NPAS1: variants seen among roughly 807,000 people sequenced by gnomAD.
NPAS1 encodes neuronal PAS domain-containing protein 1.
NPAS1 carries 29 observed loss-of-function variants against 49.2 expected under a neutral mutation model. The ratio of observed to expected loss-of-function variants is 0.59; its 90% confidence interval spans 0.44 to 0.80. NPAS1 has a LOEUF of 0.80. NPAS1 is among the 30% of genes least tolerant of loss of function. The pLI is 0.00. For synonymous variants in NPAS1, 408 were observed against 380.4 expected (o/e 1.07, Z -0.84); for missense variants, 825 against 835.5 (o/e 0.99, Z 0.15).
Position 47,021,610 on chromosome 19 carries a change from A to G in NPAS1, c.123-2A>G. On this transcript the variant is annotated splice_acceptor_variant, in intron 2 of 11. Transcript: ENST00000602212. LOFTEE classifies it high-confidence loss of function. This position sits in a 1 kb window ranked among gnomAD's most constrained non-coding sequence, Gnocchi z 5.7. ...GACACCTCCTCCGCGCCGCCCGCCC[A>G]GCCTGCAGGCGCAGCGCAAGGAGAA... The G allele has an allele frequency of 6.7e-7, 1 of 1,490,654 alleles. No individual in the cohort carries two copies. Among genetic ancestry groups the G allele is most frequent in the Non-Finnish European group, 8.9e-7 (1 of 1,120,122 alleles). The allele number at this position is 1,490,654 out of a possible 1,614,324, so 92.3% of individuals were successfully genotyped here.
At position 47,040,434 on chromosome 19, in the gene NPAS1, C is replaced by T; in HGVS notation, c.963-10C>T. ...CTTGGACTCCTCCCCTCTTCTCTGT[C>T]ACCCCCCAGAGTCAGCGACCACATG... is the stretch of plus-strand genomic sequence containing the variant. On this transcript the variant is annotated splice_polypyrimidine_tract_variant and intron_variant, in intron 8 of 11. Coordinates refer to ENST00000602212, the MANE Select transcript of NPAS1 (RefSeq NM_002517.4). The T allele has an allele frequency of 6.4e-7, 1 of 1,567,422 alleles. No homozygotes were observed. The highest frequency in any genetic ancestry group is 8.7e-7 in the Non-Finnish European group (1 of 1,152,932).
At position 47,039,030 on chromosome 19, in the gene NPAS1, TC is replaced by T. The variant is rs1392040668; in HGVS notation, c.689-3del. On this transcript the variant is annotated splice_polypyrimidine_tract_variant and splice_region_variant and intron_variant, in intron 6 of 11. Coordinates refer to ENST00000602212, the MANE Select transcript of NPAS1 (RefSeq NM_002517.4). ...CCCCATAACCTTCCTTCACTCTCTG[TC>T]CCAGAGGCCAGCCTCACCAAGGTGC... is the stretch of plus-strand genomic sequence containing the variant. The T allele has an allele frequency of 6.2e-7, 1 of 1,613,640 alleles. No homozygotes were observed. Among genetic ancestry groups the T allele is most frequent in the African/African-American group, 1.3e-5 (1 of 75,012 alleles).
chr19:47,026,003 G>A (rs1407349872), intron 3 of NPAS1, among the ~76,000 whole-genome samples: 5 of 151,858 alleles, frequency 3.3e-5, no homozygotes, highest in African/African-American at 9.7e-5. Context: ...GCAGTGGTGC[G>A]ATCTCAGCTC....
intron 3 of NPAS1, among the ~76,000 whole-genome samples, chr19:47,026,087 C>T (rs1469899613): frequency 6.6e-6 from 1 of 152,084 alleles, no homozygotes; most frequent in Non-Finnish European, 1.5e-5. Flanking sequence ...TACAAGCACA[C>T]GCCACCATGC....
At chr19:47,036,463 G>A (rs1474254189) in intron 6 of NPAS1, among the ~76,000 whole-genome samples, 2 of 152,204 alleles carry the variant, frequency 1.3e-5, no homozygotes, top group Non-Finnish European at 2.9e-5. Context: ...CGTTAGGGCC[G>A]GGCGCGGCGG....
chr19:47,034,042 C>T (rs915880042), intron 5 of NPAS1, among the ~76,000 whole-genome samples: 4 of 121,704 alleles, frequency 3.3e-5, no homozygotes, highest in African/African-American at 9.5e-5. Context: ...CGGTGGCTCA[C>T]GCCTGTAATC....
In NPAS1 at chr19:47,034,727, T is replaced by C. The variant is rs187672390; in HGVS notation, c.523-1237T>C. Among the ~76,000 whole-genome samples the C allele has an allele frequency of 2.0e-5, 3 of 151,614 alleles. No homozygotes were observed. In the East Asian group the frequency reaches 5.8e-4, roughly 30 times the overall value. On this transcript the variant is annotated intron_variant, in intron 5 of 11. Coordinates refer to ENST00000602212, the MANE Select transcript of NPAS1 (RefSeq NM_002517.4). ...CCCAGTCTCTACTAAAAATACAAAA[T>C]TAGCCGGGTGTGCTGGCAGATGCCT... is the stretch of plus-strand genomic sequence containing the variant.
At chr19:47,026,952 C>CA (rs796473852) in intron 3 of NPAS1, among the ~76,000 whole-genome samples, 295 of 118,646 alleles carry the variant, frequency 2.5e-3, no homozygotes, top group East Asian at 6.1e-3. Context: ...GATGCCGTCT[C>CA]AAAAAAAAAA....
At chr19:47,024,008 G>A (rs1599892740) in intron 3 of NPAS1, among the ~76,000 whole-genome samples, 2 of 152,028 alleles carry the variant, frequency 1.3e-5, no homozygotes, top group African/African-American at 2.4e-5. Context: ...CGGAGGCTAA[G>A]GCAGGGGAAT....
intron 9 of NPAS1, 194 bp downstream of exon 9, chr19:47,040,744 G>A (rs934724401): frequency 1.7e-6 from 1 of 596,738 alleles, no homozygotes; most frequent in African/African-American, 1.9e-5. Flanking sequence ...TGTGTGGGGG[G>A]GGGGTCTGGG....
At chr19:47,036,547 G>A (rs2056958462) in intron 6 of NPAS1, among the ~76,000 whole-genome samples, 1 of 152,102 alleles carries the variant, frequency 6.6e-6, no homozygotes, top group Non-Finnish European at 1.5e-5. Context: ...AGACCAGCCT[G>A]GGCAACATAG....
At chr19:47,039,695 G>A (rs2056998726) in intron 8 of NPAS1, 131 bp downstream of exon 8, 1 of 1,014,046 alleles carries the variant, frequency 9.9e-7, no homozygotes, top group South Asian at 1.7e-5. Context: ...GAACAGCAAT[G>A]GATGGGACAG....
intron 3 of NPAS1, among the ~76,000 whole-genome samples, chr19:47,031,632 G>A (rs527754166): frequency 9.1e-4 from 137 of 151,130 alleles, no homozygotes; most frequent in African/African-American, 3.2e-3. Context: ...CCGGTTTCAA[G>A]CGATTCTCCT....
At chr19:47,039,684 G>T in intron 8 of NPAS1, 120 bp downstream of exon 8, 2 of 1,128,504 alleles carry the variant, frequency 1.8e-6, no homozygotes, top group Admixed American at 2.7e-5. Context: ...CATGGGAGGC[G>T]GAACAGCAAT....
chr19:47,040,408 T>C (rs1463912394), intron 8 of NPAS1, 36 bp from the exon 9 acceptor site: 1 of 1,447,104 alleles, frequency 6.9e-7, no homozygotes, highest in Non-Finnish European at 9.5e-7. Context: ...AACCCCGTGG[T>C]CTTGGACTCC....
chr19:47,026,936 G>T (rs1221358175), intron 3 of NPAS1, among the ~76,000 whole-genome samples: 1 of 151,072 alleles, frequency 6.6e-6, no homozygotes, highest in East Asian at 1.9e-4. Context: ...CTGGGTGTCA[G>T]TGCTAGATGC....
chr19:47,029,385 T>C (rs2056892601), intron 3 of NPAS1, among the ~76,000 whole-genome samples: 1 of 120,940 alleles, frequency 8.3e-6, no homozygotes, highest in African/African-American at 3.1e-5. Context: ...CACCCGGCCT[T>C]AGTATTTTTA....
chr19:47,045,431 A>T lies in NPAS1; in HGVS notation c.1553A>T (p.Asp518Val). The T allele has an allele frequency of 6.2e-7, 1 of 1,602,888 alleles. No individual in the cohort carries two copies. Among genetic ancestry groups the T allele is most frequent in the Non-Finnish European group, 8.5e-7 (1 of 1,175,964 alleles). The change falls in exon 12 of 12, where the codon GAC becomes GTC. Residue 518 changes from aspartate to valine, a missense_variant. Physicochemically the swap from Asp to Val is radical, Grantham distance 152. Coordinates refer to ENST00000602212, the MANE Select transcript of NPAS1 (RefSeq NM_002517.4). ...VRPWGLAPPG[D>V]PPPTLLHAGF... ...CCATGGGGCCTGGCGCCTCCCGGGG[A>T]CCCCCCGCCCACCCTCCTGCACGCG...
rs1599929437 is a variant in NPAS1 at position 47,045,714 on chromosome 19, C to T, written c.*63C>T. ...CCGGGGTCCCCCAGGACAGTAGGCC[C>T]GGCTCTGCCCGTAGCCCTGAGAATT... On this transcript the variant is annotated 3_prime_UTR_variant, in exon 12 of 12. Coordinates refer to ENST00000602212, the MANE Select transcript of NPAS1 (RefSeq NM_002517.4). 11 of 1,290,716 alleles carry T rather than the reference C, an allele frequency of 8.5e-6. No individual in the cohort carries two copies. The highest frequency in any genetic ancestry group is 3.4e-5 in the Admixed American group (1 of 29,304). The allele number at this position is 1,290,716 out of a possible 1,614,324, so 80.0% of individuals were successfully genotyped here.
Sources: allele counts gnomAD v4.1 joint callset (sites outside exome capture counted in the v4.1 genomes callset), GRCh38; gene constraint gnomAD v4.1.1; non-coding constraint Gnocchi (gnomAD v3.1); transcripts MANE v1.5; gene names NCBI Gene and HGNC (gene_info 2026-07-23, HGNC 2026-07-21).